The following UBE2E3 variants were observed in gnomAD, a reference collection of about 807,000 sequenced individuals.
UBE2E3 encodes ubiquitin conjugating enzyme E2 E3.
A neutral mutation model predicts 23.6 loss-of-function variants in UBE2E3; 5 were observed. The ratio of observed to expected loss-of-function variants is 0.21; its 90% CI spans 0.11 to 0.44. The LOEUF is 0.44. Ranked by LOEUF, UBE2E3 falls within the 20% of genes least tolerant of loss-of-function variation. The pLI, the probability that UBE2E3 is intolerant of heterozygous loss-of-function variation, is 0.99. For missense variants in UBE2E3, 81 were observed against 249.8 expected (o/e 0.32, Z 4.55); for synonymous variants, 78 against 87.5 (o/e 0.89, Z 0.60).
At chr2:180,993,351 T>C (rs1684727591) in intron 3 of UBE2E3, among the ~76,000 whole-genome samples, 1 of 152,214 alleles carries the variant, frequency 6.6e-6, no homozygotes, top group Non-Finnish European at 1.5e-5. Flanking sequence ...TTTTGGAAGC[T>C]TTTGGACTAG....
chr2:180,996,639 C>CA (rs984902264), intron 3 of UBE2E3, among the ~76,000 whole-genome samples: 2 of 152,196 alleles, frequency 1.3e-5, no homozygotes, highest in African/African-American at 4.8e-5. Flanking sequence ...TCTTCCCCCC[C>CA]ATTTCCAGGT....
chr2:181,037,824 C>T (rs1011130608), intron 3 of UBE2E3, among the ~76,000 whole-genome samples: 6 of 151,918 alleles, frequency 3.9e-5, no homozygotes, highest in Admixed American at 6.6e-5. Context: ...TAAAAATTAG[C>T]GGGCATGGTG....
rs1056346220 is a variant in UBE2E3, at chr2:181,027,588, T to C, written c.246-30105T>C. Among the ~76,000 whole-genome samples the C allele has an allele frequency of 6.2e-4, 95 of 152,074 alleles. 1 individual carries two copies. The highest frequency in any genetic ancestry group is 2.1e-3 in the African/African-American group (89 of 41,568). On this transcript the variant is annotated intron_variant, in intron 3 of 5. Coordinates refer to ENST00000410062, the MANE Select transcript of UBE2E3 (RefSeq NM_006357.4). ...CATTATGGAGATTAGAAATTTTGTG[T>C]GCTTTTTTTAAATTTGAAGGTCCTT...
intron 3 of UBE2E3, among the ~76,000 whole-genome samples, chr2:181,037,207 ATATGTAG>A (rs201710192): frequency 0.011 from 1,655 of 152,304 alleles, 28 homozygotes; most frequent in African/African-American, 0.037. Flanking sequence ...AAATATAATT[ATATGTAG>A]TACATACTTG....
intron 3 of UBE2E3, among the ~76,000 whole-genome samples, chr2:181,057,301 C>A (rs758830344): frequency 5.3e-5 from 8 of 151,730 alleles, no homozygotes; most frequent in Non-Finnish European, 1.2e-4. Flanking sequence ...TTAGGAAATG[C>A]ACACTGACAT....
At chr2:181,020,736 G>T (rs1341766158) in intron 3 of UBE2E3, among the ~76,000 whole-genome samples, 2 of 152,160 alleles carry the variant, frequency 1.3e-5, no homozygotes, top group Non-Finnish European at 2.9e-5. Context: ...GGGAAAAAAG[G>T]TAAATGGTTA....
intron 3 of UBE2E3, among the ~76,000 whole-genome samples, chr2:180,994,732 A>G (rs1186495554): frequency 1.3e-5 from 2 of 152,212 alleles, no homozygotes; most frequent in African/African-American, 4.8e-5. Flanking sequence ...TTTGAAAGAA[A>G]CTTGCAGGTG....
intron 3 of UBE2E3, among the ~76,000 whole-genome samples, chr2:181,047,511 T>A (rs1686705473): frequency 6.6e-6 from 1 of 152,142 alleles, no homozygotes. Flanking sequence ...TCAACATCCA[T>A]ATCTTAGTTA....
At chr2:180,984,969 C>G (rs1212162850) in intron 3 of UBE2E3, among the ~76,000 whole-genome samples, 1 of 151,970 alleles carries the variant, frequency 6.6e-6, no homozygotes, top group East Asian at 1.9e-4. Flanking sequence ...AGGAATTAGG[C>G]AGTTTTATGG....
chr2:181,040,619 G>A (rs959333079), intron 3 of UBE2E3, among the ~76,000 whole-genome samples: 8 of 152,098 alleles, frequency 5.3e-5, no homozygotes, highest in African/African-American at 1.9e-4. Flanking sequence ...TTAGTATAAG[G>A]TATACTACAA....
chr2:180,984,151 A>G, intron 3 of UBE2E3, 58 bp downstream of exon 3: 1 of 1,474,502 alleles, frequency 6.8e-7, no homozygotes, highest in Non-Finnish European at 9.4e-7. Flanking sequence ...CAAGAGATTG[A>G]TGTATTGTCT....
intron 3 of UBE2E3, among the ~76,000 whole-genome samples, chr2:181,026,533 T>A (rs547811091): frequency 2.0e-4 from 30 of 151,388 alleles, no homozygotes; most frequent in Middle Eastern, 3.4e-3. Flanking sequence ...TTTTTTTAAA[T>A]CCTTGATACA....
chr2:180,982,294 A>G (rs891124957), intron 2 of UBE2E3, 58 bp downstream of exon 2: 63 of 1,537,440 alleles, frequency 4.1e-5, no homozygotes, highest in Admixed American at 5.8e-5. Context: ...AGGTGGTTGG[A>G]CGCTTTTGTT....
chr2:181,030,132 C>T (rs1265411103), intron 3 of UBE2E3, among the ~76,000 whole-genome samples: 2 of 151,788 alleles, frequency 1.3e-5, no homozygotes, highest in Non-Finnish European at 2.9e-5. Flanking sequence ...ACACCTGGCT[C>T]CTCTATTTTT....
At chr2:181,032,736 C>G (rs1686122548) in intron 3 of UBE2E3, among the ~76,000 whole-genome samples, 1 of 152,122 alleles carries the variant, frequency 6.6e-6, no homozygotes, top group African/African-American at 2.4e-5. Flanking sequence ...CCAACTGATT[C>G]AGAACCACTG....
intron 3 of UBE2E3, among the ~76,000 whole-genome samples, chr2:181,000,459 C>A (rs62180113): frequency 0.23 from 35,295 of 152,020 alleles, 4,462 homozygotes; most frequent in Non-Finnish European, 0.28. Context: ...ATACTGTACT[C>A]TGTATTCAGC....
At chr2:181,020,175 A>G in intron 3 of UBE2E3, among the ~76,000 whole-genome samples, 1 of 152,078 alleles carries the variant, frequency 6.6e-6, no homozygotes, top group Admixed American at 6.6e-5. Context: ...TCACAAATCT[A>G]GAGGCTAGTT....
At position 180,982,322 on chromosome 2, in the gene UBE2E3, A is replaced by G. The variant is rs1684322749; in HGVS notation, c.194+86A>G. 4.2e-6 allele frequency: 5 copies of G among 1,192,400 alleles called. No individual in the cohort carries two copies. In the South Asian group the frequency reaches 5.8e-5, roughly 14 times the overall value. 73.9% of individuals were successfully genotyped at this position (1,192,400 alleles called of 1,614,324 possible). ...CTTTTGTTGGTTTTACCTCAATAGC[A>G]GTAGTTCAGAAATATTTACTTCATT... On this transcript the variant is annotated intron_variant, in intron 2 of 5. Coordinates refer to ENST00000410062, the MANE Select transcript of UBE2E3 (RefSeq NM_006357.4).
Position 181,041,234 on chromosome 2 carries a change from C to CAAAAAAAAAAAAAAAAAAAAAAAA in UBE2E3, c.246-16440_246-16439insAAAAAAAAAAAAAAAAAAAAAAAA, listed in dbSNP as rs1206207155. Among the ~76,000 whole-genome samples, 6 of 77,196 alleles carry CAAAAAAAAAAAAAAAAAAAAAAAA rather than the reference C, an allele frequency of 7.8e-5. 1 individual carries two copies. The highest frequency in any genetic ancestry group is 1.2e-4 in the Non-Finnish European group (5 of 41,984). The allele number at this position is 77,196 out of a possible 152,430, so 50.6% of individuals were successfully genotyped here. On this transcript the variant is annotated intron_variant, in intron 3 of 5. Transcript: ENST00000410062. ...CTAACGACAGAGCAAGACTCCGTCT[C>CAAAAAAAAAAAAAAAAAAAAAAAA]AAAAAAAAAAAAAAAAAAAGATAGA...
Sources: allele counts gnomAD v4.1 joint callset (sites outside exome capture counted in the v4.1 genomes callset), GRCh38; gene constraint gnomAD v4.1.1; transcripts MANE v1.5; gene names NCBI Gene and HGNC (gene_info 2026-07-23, HGNC 2026-07-21).